SEC22A: variants seen among roughly 807,000 people sequenced by gnomAD.
SEC22A encodes the protein SEC22 homolog A, vesicle trafficking protein.
In SEC22A, 22 loss-of-function variants were observed where a neutral mutation model predicts 35.3. That is an observed-to-expected ratio of 0.62 (90% CI 0.45 to 0.89). The LOEUF (loss-of-function observed/expected upper bound fraction) is 0.89, where lower values mean the gene tolerates loss of function less well. Among genes scored for constraint, SEC22A ranks in the 40% least tolerant of loss-of-function variants. SEC22A has a pLI of 0.00. For synonymous variants in SEC22A, 119 were observed against 129.5 expected, an observed-to-expected ratio of 0.92 and a Z score of 0.55; for missense variants, 354 against 362.5, an observed-to-expected ratio of 0.98 and a Z score of 0.19.
chr3:123,207,372 T>C (rs1238088749), intron 1 of SEC22A, among the ~76,000 whole-genome samples: 1 of 152,114 alleles, frequency 6.6e-6, no homozygotes, highest in African/African-American at 2.4e-5. Context: ...AATGAGATAA[T>C]ATTGACCTAG....
chr3:123,234,822 A>T (rs1427114916), intron 4 of SEC22A, among the ~76,000 whole-genome samples: 1 of 152,112 alleles, frequency 6.6e-6, no homozygotes, highest in Admixed American at 6.5e-5. Flanking sequence ...CATGAGTTCG[A>T]GACCAGCCTG....
chr3:123,241,287 A>G (rs1488986493), intron 4 of SEC22A, among the ~76,000 whole-genome samples: 1 of 152,176 alleles, frequency 6.6e-6, no homozygotes, highest in Admixed American at 6.6e-5. Flanking sequence ...TGGTGATGAT[A>G]AAGAAGGGCC....
chr3:123,269,255 A>G (rs953752834), intron 6 of SEC22A, among the ~76,000 whole-genome samples: 1 of 149,830 alleles, frequency 6.7e-6, no homozygotes, highest in Non-Finnish European at 1.5e-5. Context: ...TTACAGTAGC[A>G]TTCCAAGCAA....
At chr3:123,253,758 A>G (rs1937655476) in intron 5 of SEC22A, among the ~76,000 whole-genome samples, 1 of 151,640 alleles carries the variant, frequency 6.6e-6, no homozygotes, top group Non-Finnish European at 1.5e-5. Context: ...CCCTGCTAAT[A>G]CTTAACAGAA....
intron 4 of SEC22A, among the ~76,000 whole-genome samples, chr3:123,230,699 CA>C (rs376679473): frequency 0.12 from 5,529 of 47,362 alleles, 113 homozygotes; most frequent in Admixed American, 0.23. Flanking sequence ...TCACTTCATG[CA>C]AAAAAAAAAA....
chr3:123,260,131 C>CAAAAAAAAAAAAAAAAAAAAAA (rs533386545), intron 6 of SEC22A, among the ~76,000 whole-genome samples: 12 of 49,784 alleles, frequency 2.4e-4, no homozygotes, highest in South Asian at 1.0e-3. Context: ...GACTACATCT[C>CAAAAAAAAAAAAAAAAAAAAAA]AAAAAAAAAA....
intron 6 of SEC22A, among the ~76,000 whole-genome samples, chr3:123,267,192 A>T (rs952280287): frequency 2.0e-5 from 3 of 151,980 alleles, no homozygotes; most frequent in African/African-American, 7.2e-5. Flanking sequence ...CATGTTTTTT[A>T]ATATCCTGCC....
chr3:123,261,392 A>T (rs1937892431), intron 6 of SEC22A, among the ~76,000 whole-genome samples: 1 of 152,224 alleles, frequency 6.6e-6, no homozygotes, highest in African/African-American at 2.4e-5. Context: ...TCCTGAGATC[A>T]CATAATCAGA....
Position 123,240,618 on chromosome 3 carries a change from T to C in SEC22A, c.542-5281T>C, listed in dbSNP as rs1044167690. Among the ~76,000 whole-genome samples, 5 of 152,210 alleles carry C rather than the reference T, an allele frequency of 3.3e-5. No individual in the cohort carries two copies. In the East Asian group the frequency reaches 5.8e-4, roughly 18 times the overall value. On this transcript the variant is annotated intron_variant, in intron 4 of 6. Transcript: ENST00000492595. ...GAACATTCATCCTTTTGTTGACATA[T>C]ATTTTCATTTCCCTTGAGTAAATAT...
At chr3:123,269,057 T>C (rs942391568) in intron 6 of SEC22A, among the ~76,000 whole-genome samples, 3 of 152,188 alleles carry the variant, frequency 2.0e-5, no homozygotes, top group Non-Finnish European at 4.4e-5. Flanking sequence ...GATCATTTGG[T>C]TAAGATGGTG....
intron 6 of SEC22A, among the ~76,000 whole-genome samples, chr3:123,263,345 G>C (rs560808829): frequency 6.2e-4 from 95 of 152,314 alleles, no homozygotes; most frequent in African/African-American, 2.1e-3. Context: ...TCCTCACACA[G>C]AGAAAGTGCT....
At chr3:123,258,629 G>A (rs1937799847) in intron 5 of SEC22A, among the ~76,000 whole-genome samples, 1 of 151,988 alleles carries the variant, frequency 6.6e-6, no homozygotes, top group African/African-American at 2.4e-5. Context: ...AATAACCAGT[G>A]CAAAAGGAAT....
chr3:123,247,510 CTT>C (rs908311562), intron 5 of SEC22A, among the ~76,000 whole-genome samples: 7 of 152,120 alleles, frequency 4.6e-5, no homozygotes, highest in African/African-American at 1.7e-4. Context: ...GGGCTGATTT[CTT>C]TTTTTCTCCT....
At chr3:123,260,169 A>AAAAAAAAAAAAAAAAAAAAAAAAAAAC in intron 6 of SEC22A, among the ~76,000 whole-genome samples, 1 of 114,838 alleles carries the variant, frequency 8.7e-6, no homozygotes, top group African/African-American at 3.5e-5. Flanking sequence ...AAAAAAAAAA[A>AAAAAAAAAAAAAAAAAAAAAAAAAAAC]CTACTAGATT....
At chr3:123,226,897 A>T (rs2108051699) in intron 4 of SEC22A, among the ~76,000 whole-genome samples, 1 of 152,336 alleles carries the variant, frequency 6.6e-6, no homozygotes, top group South Asian at 2.1e-4. Flanking sequence ...GTATATGGCT[A>T]GGAAAACATT....
At chr3:123,230,699 CAAAAAAAA>C (rs376679473) in intron 4 of SEC22A, among the ~76,000 whole-genome samples, 3 of 47,424 alleles carry the variant, frequency 6.3e-5, no homozygotes, top group Non-Finnish European at 1.3e-4. Flanking sequence ...TCACTTCATG[CAAAAAAAA>C]AAAAAAAAAA....
intron 2 of SEC22A, among the ~76,000 whole-genome samples, chr3:123,220,415 T>G (rs1016935847): frequency 1.3e-5 from 2 of 152,198 alleles, no homozygotes; most frequent in Non-Finnish European, 2.9e-5. Context: ...AGATTTTTTT[T>G]GGAAAGAAAA....
At chr3:123,262,072 T>C (rs1046563080) in intron 6 of SEC22A, among the ~76,000 whole-genome samples, 3 of 152,218 alleles carry the variant, frequency 2.0e-5, no homozygotes, top group Non-Finnish European at 4.4e-5. Context: ...TGCTGTTTTT[T>C]TCCCCCACAG....
intron 4 of SEC22A, among the ~76,000 whole-genome samples, 159 bp downstream of exon 4, chr3:123,225,456 C>T (rs1319338072): frequency 6.6e-6 from 1 of 152,146 alleles, no homozygotes; most frequent in Admixed American, 6.5e-5. Context: ...AAGTAAGCTA[C>T]CAGATGTGTG....
Sources: gnomAD v4.1 joint callset for allele counts (sites outside exome capture counted in the v4.1 genomes callset) on GRCh38, gnomAD v4.1.1 for gene constraint, MANE v1.5 for transcripts, NCBI Gene and HGNC (gene_info 2026-07-23, HGNC 2026-07-21) for gene names.